ANKS1B: variants seen among roughly 807,000 people sequenced by gnomAD.
ANKS1B encodes the protein ankyrin repeat and sterile alpha motif domain containing 1B.
In ANKS1B, 36 loss-of-function variants were observed where a neutral mutation model predicts 148.3. That is an observed-to-expected ratio of 0.24 (90% CI 0.19 to 0.32). The LOEUF (loss-of-function observed/expected upper bound fraction) is 0.32, where lower values mean the gene tolerates loss of function less well. Among genes scored for constraint, ANKS1B ranks in the 10% least tolerant of loss-of-function variants. The pLI is 1.00. For missense variants in ANKS1B, 1,157 were observed against 1,542.6 expected (o/e 0.75, Z 4.19); for synonymous variants, 542 against 560.8 (o/e 0.97, Z 0.47).
chr12:99,665,239 G>A (rs944042410), intron 8 of ANKS1B, among the ~76,000 whole-genome samples: 4 of 152,134 alleles, frequency 2.6e-5, no homozygotes, highest in Non-Finnish European at 5.9e-5. Context: ...TCATTGTGTC[G>A]GAGAGTTTCG....
chr12:98,874,640 T>TAA (rs2099683003), intron 17 of ANKS1B, among the ~76,000 whole-genome samples: 2 of 152,086 alleles, frequency 1.3e-5, no homozygotes, highest in Admixed American at 1.3e-4. Flanking sequence ...AACATGGAGA[T>TAA]TTATTGGACA....
intron 17 of ANKS1B, among the ~76,000 whole-genome samples, chr12:98,937,268 C>A (rs1349710724): frequency 1.3e-5 from 2 of 151,828 alleles, no homozygotes; most frequent in African/African-American, 4.8e-5. Flanking sequence ...TTTATGAAAA[C>A]CATAAACACA....
chr12:99,091,801 C>T (rs1566013037), intron 15 of ANKS1B, among the ~76,000 whole-genome samples: 2 of 151,876 alleles, frequency 1.3e-5, no homozygotes, highest in African/African-American at 4.8e-5. Flanking sequence ...CTCACAATAA[C>T]TCCTATGAGG....
At chr12:99,792,728 C>G (rs1000367154) in intron 4 of ANKS1B, among the ~76,000 whole-genome samples, 2 of 151,878 alleles carry the variant, frequency 1.3e-5, no homozygotes, top group African/African-American at 4.8e-5. Flanking sequence ...GACAGACTCA[C>G]GACTAGTATC....
At chr12:99,333,575 T>C (rs959669758) in intron 12 of ANKS1B, among the ~76,000 whole-genome samples, 37 of 152,062 alleles carry the variant, frequency 2.4e-4, no homozygotes, top group African/African-American at 8.9e-4. Context: ...CAGGTCCCTG[T>C]CTCAGTTCCA....
chr12:98,855,997 C>G (rs2099569384), intron 17 of ANKS1B, among the ~76,000 whole-genome samples: 1 of 152,240 alleles, frequency 6.6e-6, no homozygotes, highest in South Asian at 2.1e-4. Context: ...TGCTCTGAGA[C>G]TAGAGCATTC....
chr12:98,810,549 C>A (rs1217692310), intron 19 of ANKS1B, among the ~76,000 whole-genome samples: 3 of 152,122 alleles, frequency 2.0e-5, no homozygotes, highest in African/African-American at 7.2e-5. Flanking sequence ...CAGGCTGTAA[C>A]CCTTTAGAAG....
At chr12:98,808,776 G>A (rs890727464) in intron 19 of ANKS1B, among the ~76,000 whole-genome samples, 2 of 152,094 alleles carry the variant, frequency 1.3e-5, no homozygotes, top group African/African-American at 2.4e-5. Context: ...TTCTGTTCCC[G>A]AATTTCATCA....
intron 25 of ANKS1B, among the ~76,000 whole-genome samples, chr12:98,752,604 C>G (rs1185032000): frequency 6.6e-6 from 1 of 152,096 alleles, no homozygotes; most frequent in Non-Finnish European, 1.5e-5. Flanking sequence ...TGAGACTTGT[C>G]TCAGATATTT....
At chr12:98,748,935 A>C (rs1046879339) in intron 26 of ANKS1B, among the ~76,000 whole-genome samples, 1 of 152,204 alleles carries the variant, frequency 6.6e-6, no homozygotes, top group Non-Finnish European at 1.5e-5. Flanking sequence ...TCTCTAAAAC[A>C]TTCTGCAAAT....
intron 17 of ANKS1B, among the ~76,000 whole-genome samples, chr12:99,016,577 A>G (rs1433689039): frequency 6.6e-6 from 1 of 152,192 alleles, no homozygotes; most frequent in East Asian, 1.9e-4. Context: ...ACTTGCTTGA[A>G]GCCGGGAGGT....
At chr12:99,125,899 A>G (rs191693093) in intron 15 of ANKS1B, among the ~76,000 whole-genome samples, 1 of 145,818 alleles carries the variant, frequency 6.9e-6, no homozygotes, top group Non-Finnish European at 1.5e-5. Flanking sequence ...CTATAAAAAG[A>G]AAAAAAAAAT....
chr12:99,201,885 G>A (rs921517970), intron 14 of ANKS1B, among the ~76,000 whole-genome samples: 1 of 151,970 alleles, frequency 6.6e-6, no homozygotes, highest in Non-Finnish European at 1.5e-5. Context: ...GAGCTACTGT[G>A]TAAAATAAAC....
At chr12:99,147,395 G>C (rs1219047280) in intron 15 of ANKS1B, among the ~76,000 whole-genome samples, 1 of 152,118 alleles carries the variant, frequency 6.6e-6, no homozygotes, top group Non-Finnish European at 1.5e-5. Flanking sequence ...AGCGGTGAAA[G>C]ATAAGGCAGG....
chr12:99,670,060 C>G (rs2098529238), intron 8 of ANKS1B, among the ~76,000 whole-genome samples: 1 of 151,542 alleles, frequency 6.6e-6, no homozygotes, highest in Non-Finnish European at 1.5e-5. Context: ...CCTATTACCT[C>G]ATGGAAGTTT....
chr12:99,293,970 A>G (rs2080447113), intron 12 of ANKS1B, among the ~76,000 whole-genome samples: 1 of 152,228 alleles, frequency 6.6e-6, no homozygotes, highest in Non-Finnish European at 1.5e-5. Flanking sequence ...CAAAACTACA[A>G]TGAGATAGCA....
intron 16 of ANKS1B, among the ~76,000 whole-genome samples, chr12:99,073,251 G>C (rs973612000): frequency 1.3e-5 from 2 of 152,164 alleles, no homozygotes; most frequent in African/African-American, 4.8e-5. Context: ...ATTAGGCAAA[G>C]AATGGAGCCA....
At chr12:98,894,991 AGCGGCG>A (rs555983816) in intron 17 of ANKS1B, 19 of 716,128 alleles carry the variant, frequency 2.7e-5, no homozygotes, top group African/African-American at 1.9e-4. Context: ...CCCTGGCGGC[AGCGGCG>A]GCGGCGGCGG....
intron 12 of ANKS1B, among the ~76,000 whole-genome samples, chr12:99,308,542 A>G (rs1218458671): frequency 6.6e-6 from 1 of 151,978 alleles, no homozygotes; most frequent in African/African-American, 2.4e-5. Context: ...AATTACTAAT[A>G]GTTTCATAAG....
Sources: allele counts gnomAD v4.1 joint callset (sites outside exome capture counted in the v4.1 genomes callset), GRCh38; gene constraint gnomAD v4.1.1; transcripts MANE v1.5; gene names NCBI Gene and HGNC (gene_info 2026-07-23, HGNC 2026-07-21).